Variants in POLA1 observed in about 807,000 individuals in gnomAD.
POLA1 encodes the protein DNA polymerase alpha 1, catalytic subunit.
POLA1 carries 15 observed loss-of-function variants against 124.0 expected under a neutral mutation model. The ratio of observed to expected loss-of-function variants is 0.12; its 90% CI spans 0.08 to 0.19. POLA1 has a LOEUF of 0.19. POLA1 is among the 10% of genes least tolerant of loss of function. The pLI is 1.00. For synonymous variants in POLA1, 408 were observed against 389.4 expected (o/e 1.05, Z -0.56); for missense variants, 886 against 1,103.4 (o/e 0.80, Z 2.79).
chrX:24,826,613 A>G lies in POLA1; in HGVS notation c.3736+12A>G, dbSNP rs370117052. The G allele has an allele frequency of 1.8e-6, 2 of 1,137,528 alleles. No homozygotes were observed. Among genetic ancestry groups the G allele is most frequent in the Non-Finnish European group, 2.4e-6 (2 of 838,209 alleles). The allele number at this position is 1,137,528 out of a possible 1,213,427, so 93.7% of individuals were successfully genotyped here. On this transcript the variant is annotated intron_variant, in intron 32 of 36. Transcript: ENST00000379068. ...TGCAACGTGGTTGGGTAAGTGTCCC[A>G]AGCTCACATAGAACCTCACATGGTA...
intron 4 of POLA1, among the ~76,000 whole-genome samples, chrX:24,709,808 C>T (rs1929242730): frequency 3.2e-5 from 2 of 61,739 alleles, no homozygotes; most frequent in African/African-American, 6.2e-5. Context: ...CGGGCAGAGA[C>T]GCTCCTCACT....
chrX:24,925,235 A>G (rs1304501251), intron 35 of POLA1, among the ~76,000 whole-genome samples: 2 of 111,612 alleles, frequency 1.8e-5, no homozygotes, highest in Non-Finnish European at 3.8e-5. Context: ...ATTTTCCTTC[A>G]TGATTTGATA....
chrX:24,968,513 C>T (rs1009124116), intron 36 of POLA1, among the ~76,000 whole-genome samples: 3 of 110,323 alleles, frequency 2.7e-5, no homozygotes, highest in African/African-American at 6.6e-5. Flanking sequence ...TCCTGGCTAA[C>T]ACGGTGAAAC....
At chrX:24,897,241 T>A (rs1302963396) in intron 35 of POLA1, among the ~76,000 whole-genome samples, 1 of 111,451 alleles carries the variant, frequency 9.0e-6, no homozygotes, top group African/African-American at 3.3e-5. Flanking sequence ...GCTTACAGCA[T>A]CAGAAAAGGC....
At chrX:24,921,892 T>TTG (rs755172411) in intron 35 of POLA1, among the ~76,000 whole-genome samples, 12 of 105,694 alleles carry the variant, frequency 1.1e-4, no homozygotes, top group African/African-American at 1.5e-4. Context: ...GTTTTGCCTT[T>TTG]TGTGTGTGTG....
chrX:24,821,031 C>T (rs1047089447), intron 30 of POLA1, among the ~76,000 whole-genome samples: 1 of 111,457 alleles, frequency 9.0e-6, no homozygotes, highest in Admixed American at 9.5e-5. Flanking sequence ...TTTCTAGTGC[C>T]TTTGGGATTT....
intron 24 of POLA1, 133 bp from the exon 25 acceptor site, chrX:24,748,178 A>G (rs1372014828): frequency 1.3e-5 from 6 of 453,298 alleles, no homozygotes; most frequent in Non-Finnish European, 1.9e-5. Context: ...TATACTACTC[A>G]TGCATTATTG....
rs200953586 is a variant in POLA1 at position 24,995,927 on chromosome X, G to A, written c.4384G>A (p.Ala1462Thr). 2.1e-5 allele frequency: 25 copies of A among 1,208,179 alleles called. No individual in the cohort carries two copies. The highest frequency in any genetic ancestry group is 2.7e-5 in the Non-Finnish European group (24 of 894,551). The change falls in exon 37 of 37, where the codon GCT becomes ACT. Residue 1462 changes from alanine (A) to threonine (T), a missense_variant. By Grantham distance (58) the Ala-to-Thr change is moderately conservative. Around this residue, in one of 7 missense-constraint regions of POLA1, gnomAD observed 313 missense variants for 359.7 expected, o/e 0.87. Transcript: ENST00000379068. ...CGAAGTGAATCTGAGCAAACTCTTC[G>A]CTGGTTGTGCCGTGAAATCCTAAGG... ...YSEVNLSKLF[A>T]GCAVKS
intron 34 of POLA1, among the ~76,000 whole-genome samples, chrX:24,878,076 C>G (rs2046958314): frequency 9.0e-6 from 1 of 110,812 alleles, no homozygotes; most frequent in African/African-American, 3.3e-5. Flanking sequence ...GATCTCTTGT[C>G]TACCCTTAGT....
At chrX:24,938,135 C>T (rs867916113) in intron 36 of POLA1, among the ~76,000 whole-genome samples, 3 of 112,443 alleles carry the variant, frequency 2.7e-5, no homozygotes, top group Non-Finnish European at 3.8e-5. Flanking sequence ...GAACTAAGGC[C>T]GGGCACAGTG....
chrX:24,802,056 G>T (rs2045723594), intron 26 of POLA1, among the ~76,000 whole-genome samples: 1 of 108,247 alleles, frequency 9.2e-6, no homozygotes, highest in African/African-American at 3.4e-5. Flanking sequence ...GCTACAGTTC[G>T]AAAGCAGTCT....
intron 36 of POLA1, among the ~76,000 whole-genome samples, chrX:24,969,194 C>T (rs1413223313): frequency 1.9e-5 from 2 of 105,396 alleles, no homozygotes; most frequent in African/African-American, 7.2e-5. Flanking sequence ...GGTAACAGAG[C>T]AAGACTCCGT....
intron 36 of POLA1, among the ~76,000 whole-genome samples, chrX:24,991,187 T>G (rs1262112345): frequency 9.2e-6 from 1 of 108,886 alleles, no homozygotes; most frequent in African/African-American, 3.4e-5. Flanking sequence ...TTTTTCCTTC[T>G]CTACAACCTC....
Position 24,996,665 on chromosome X carries a change from C to CT in POLA1, c.*716dup, listed in dbSNP as rs1556042612. 1 of 112,569 alleles carries CT rather than the reference C, an allele frequency of 8.9e-6. No homozygotes were observed. The highest frequency in any genetic ancestry group is 1.9e-5 in the Non-Finnish European group (1 of 53,300). 9.3% of individuals were successfully genotyped at this position (112,569 alleles called of 1,213,427 possible). A position where few individuals can be genotyped will look rare whatever the true frequency, so the allele number is the denominator to read the frequency against. ...AGCACATTGAAAATAATTTGATACTCTAACAATCCATTAACATGTGTAGGG... is the reference window on the plus strand; with the variant it reads ...AGCACATTGAAAATAATTTGATACTCTTAACAATCCATTAACATGTGTAGGG... On this transcript the variant is annotated 3_prime_UTR_variant, in exon 37 of 37. Transcript: ENST00000379068.
intron 35 of POLA1, among the ~76,000 whole-genome samples, chrX:24,925,846 C>G (rs905731172): frequency 2.7e-5 from 3 of 111,042 alleles, no homozygotes; most frequent in Non-Finnish European, 5.6e-5. Context: ...ACGTCCACCT[C>G]CTGGGTTCAA....
intron 34 of POLA1, among the ~76,000 whole-genome samples, chrX:24,864,798 ATAGTCTCT>A (rs2046770614): frequency 9.1e-6 from 1 of 109,911 alleles, no homozygotes; most frequent in Non-Finnish European, 1.9e-5. Context: ...TTTCTTTAAT[ATAGTCTCT>A]TATAGTCGTT....
chrX:24,951,891 G>A (rs958720429), intron 36 of POLA1, among the ~76,000 whole-genome samples: 13 of 111,721 alleles, frequency 1.2e-4, no homozygotes, highest in African/African-American at 4.2e-4. Flanking sequence ...TATTAAAATA[G>A]AAGAGTTTCT....
In POLA1 at chrX:24,821,590, TATTGAC is replaced by T; in HGVS notation, c.3561+11_3561+16del. 2.5e-6 allele frequency: 3 copies of T among 1,184,897 alleles called. No individual in the cohort carries two copies. Among genetic ancestry groups the T allele is most frequent in the Non-Finnish European group, 1.1e-6 (1 of 875,044 alleles). The stretch of plus-strand genomic sequence containing the variant: ...GTCATATGTCATCTGTCAGGTAAAC[TATTGAC>T]ATTCGTAAGACTCTGACACCTCTTA... On this transcript the variant is annotated splice_region_variant and intron_variant, in intron 31 of 36. Transcript: ENST00000379068.
At chrX:24,903,831 G>A (rs1046798454) in intron 35 of POLA1, among the ~76,000 whole-genome samples, 3 of 110,656 alleles carry the variant, frequency 2.7e-5, no homozygotes, top group African/African-American at 9.9e-5. Context: ...TGTAAAACCT[G>A]GACAGCATGG....
Sources: gnomAD v4.1 joint callset for allele counts (sites outside exome capture counted in the v4.1 genomes callset) on GRCh38, gnomAD v4.1.1 for gene constraint, gnomAD v4.1.1 regional missense constraint, MANE v1.5 for transcripts, NCBI Gene and HGNC (gene_info 2026-07-23, HGNC 2026-07-21) for gene names.